The following SLC26A8 variants were observed in gnomAD, a reference collection of about 807,000 sequenced individuals.
The protein encoded by SLC26A8 is solute carrier family 26 member 8.
SLC26A8 carries 70 observed loss-of-function variants against 105.0 expected under a neutral mutation model. The observed-to-expected ratio is 0.67, with a 90% CI of 0.55 to 0.81. The LOEUF (loss-of-function observed/expected upper bound fraction) is 0.81, where lower values mean the gene tolerates loss of function less well. SLC26A8 is among the 40% of genes least tolerant of loss of function. The pLI, the probability that SLC26A8 is intolerant of heterozygous loss-of-function variation, is 0.00. For synonymous variants in SLC26A8, 415 were observed against 438.3 expected, an observed-to-expected ratio of 0.95 and a Z score of 0.66; for missense variants, 998 against 1,181.8, an observed-to-expected ratio of 0.84 and a Z score of 2.28.
At chr6:35,986,281 G>A (rs147356865) in intron 7 of SLC26A8, among the ~76,000 whole-genome samples, 306 of 152,052 alleles carry the variant, frequency 2.0e-3, no homozygotes, top group African/African-American at 7.0e-3. Flanking sequence ...TGATCCACGC[G>A]CCTCGGCCTC....
At chr6:35,993,296 G>A (rs1440522593) in intron 5 of SLC26A8, among the ~76,000 whole-genome samples, 2 of 151,080 alleles carry the variant, frequency 1.3e-5, no homozygotes. Flanking sequence ...TGAACGCACT[G>A]TGCCTGGCCT....
chr6:36,002,709 A>ATC (rs1761558706), intron 3 of SLC26A8, among the ~76,000 whole-genome samples: 1 of 122,568 alleles, frequency 8.2e-6, no homozygotes, highest in Non-Finnish European at 1.7e-5. Flanking sequence ...TTGCTTTTCA[A>ATC]TCTTTTTTTT....
intron 5 of SLC26A8, among the ~76,000 whole-genome samples, chr6:35,994,726 G>T (rs1030997574): frequency 6.6e-6 from 1 of 151,960 alleles, no homozygotes; most frequent in African/African-American, 2.4e-5. Context: ...CAGGTGCCCA[G>T]CACCACGCCT....
At chr6:35,984,812 C>T (rs1452809748) in intron 7 of SLC26A8, among the ~76,000 whole-genome samples, 1 of 152,124 alleles carries the variant, frequency 6.6e-6, no homozygotes, top group Non-Finnish European at 1.5e-5. Flanking sequence ...CATCTCTTGG[C>T]CAAGGGAATT....
chr6:36,005,468 C>A (rs1319173341), intron 3 of SLC26A8, among the ~76,000 whole-genome samples: 2 of 152,230 alleles, frequency 1.3e-5, no homozygotes, highest in East Asian at 3.9e-4. Context: ...ATGACTTTGA[C>A]AAATTAAGAG....
chr6:35,958,944 C>T (rs1302365711), intron 16 of SLC26A8, among the ~76,000 whole-genome samples: 1 of 152,178 alleles, frequency 6.6e-6, no homozygotes, highest in Non-Finnish European at 1.5e-5. Flanking sequence ...AAATTCCCAT[C>T]TGAAATAGCG....
At chr6:36,014,573 T>G (rs1761945250) in intron 2 of SLC26A8, among the ~76,000 whole-genome samples, 1 of 149,474 alleles carries the variant, frequency 6.7e-6, no homozygotes, top group South Asian at 2.1e-4. Context: ...AAAGATTATT[T>G]CATTTACATT....
intron 8 of SLC26A8, among the ~76,000 whole-genome samples, chr6:35,978,698 C>T (rs375655695): frequency 1.3e-5 from 2 of 152,166 alleles, no homozygotes; most frequent in East Asian, 3.9e-4. Context: ...AATACCTTAT[C>T]TAATTAAAAT....
chr6:36,001,003 T>C (rs897039477), intron 3 of SLC26A8, among the ~76,000 whole-genome samples: 5 of 152,264 alleles, frequency 3.3e-5, no homozygotes, highest in African/African-American at 1.2e-4. Flanking sequence ...CTCTAAATGA[T>C]AATACTCTTC....
intron 2 of SLC26A8, among the ~76,000 whole-genome samples, chr6:36,012,732 C>T (rs907867707): frequency 5.9e-5 from 9 of 152,214 alleles, no homozygotes; most frequent in Non-Finnish European, 1.0e-4. Context: ...AAGCCATATA[C>T]GTCCAGCATG....
At position 35,988,841 on chromosome 6, in the gene SLC26A8, G is replaced by GTTT. The variant is rs56822307; in HGVS notation, c.942+2815_942+2817dup. On this transcript the variant is annotated intron_variant, in intron 7 of 19. Coordinates refer to ENST00000490799, the MANE Select transcript of SLC26A8 (RefSeq NM_052961.4). ...GCTTTTAGATATACAGTTCTATACGGTTTTTTTTTTTTTTTTTGAGACGGA... is the reference window on the plus strand; with the variant it reads ...GCTTTTAGATATACAGTTCTATACGGTTTTTTTTTTTTTTTTTTTTGAGACGGA... Among the ~76,000 whole-genome samples the GTTT allele has an allele frequency of 7.9e-3, 1,019 of 128,342 alleles. 23 individuals carry two copies. The highest frequency in any genetic ancestry group is 0.028 in the African/African-American group (965 of 34,704). 84.2% of individuals were successfully genotyped at this position (128,342 alleles called of 152,430 possible).
intron 4 of SLC26A8, 78 bp downstream of exon 4, chr6:35,999,914 G>A (rs2127356870): frequency 2.1e-6 from 2 of 954,392 alleles, no homozygotes; most frequent in South Asian, 2.8e-5. Context: ...AAAGCTTTAT[G>A]TTGGGTACCT....
chr6:36,006,846 A>T (rs920999759), intron 3 of SLC26A8, among the ~76,000 whole-genome samples: 1 of 152,240 alleles, frequency 6.6e-6, no homozygotes, highest in Non-Finnish European at 1.5e-5. Flanking sequence ...CAAAAAAATC[A>T]ATTAATGTAA....
chr6:36,006,215 G>T (rs1271424661), intron 3 of SLC26A8, among the ~76,000 whole-genome samples: 1 of 152,056 alleles, frequency 6.6e-6, no homozygotes, highest in Non-Finnish European at 1.5e-5. Flanking sequence ...TGCCTTCCAG[G>T]TTTAAGCAAT....
At chr6:36,020,944 T>C (rs1043626607) in intron 1 of SLC26A8, among the ~76,000 whole-genome samples, 3 of 152,324 alleles carry the variant, frequency 2.0e-5, no homozygotes, top group South Asian at 2.1e-4. Flanking sequence ...ATCATCATCA[T>C]TGCCAACATT....
chr6:35,970,594 TGATGTTATA>T (rs1772754622), intron 10 of SLC26A8, among the ~76,000 whole-genome samples: 1 of 152,222 alleles, frequency 6.6e-6, no homozygotes, highest in African/African-American at 2.4e-5. Flanking sequence ...TGGCCTTTGC[TGATGTTATA>T]GAAAAAACTA....
At chr6:36,000,164 T>C in intron 3 of SLC26A8, 56 bp from the exon 4 acceptor site, 1 of 1,077,914 alleles carries the variant, frequency 9.3e-7, no homozygotes, top group Non-Finnish European at 1.4e-6. Context: ...TCACCTTAAA[T>C]AAAAACTGTA....
rs753161590 is a variant in SLC26A8, at chr6:35,951,325, C to T, written c.2310G>A (p.Glu770=). The change falls in exon 19 of 20, where the codon GAG becomes GAA. Residue 770 remains glutamate, a synonymous_variant. Coordinates refer to ENST00000490799, the MANE Select transcript of SLC26A8 (RefSeq NM_052961.4). The part of the protein sequence containing the change: ...GCHSSIVRAF[E]RNDFFDAGIT... ...TGCCAGCGTCAAAGAAATCATTCCT[C>T]TCAAATGCCCTGACTATGGAAGCTA... is the stretch of plus-strand genomic sequence containing the variant. The T allele has an allele frequency of 8.1e-6, 13 of 1,614,096 alleles. No individual in the cohort carries two copies. The South Asian group carries it at 1.4e-4, about 18-fold the overall frequency.
Position 35,977,219 on chromosome 6 carries a change from A to G in SLC26A8, c.1158T>C (p.Ser386=), listed in dbSNP as rs770658057. The change falls in exon 9 of 20, where the codon AGT becomes AGC. Residue 386 remains serine (S), a synonymous_variant. Coordinates refer to ENST00000490799, the MANE Select transcript of SLC26A8 (RefSeq NM_052961.4). ...GTCCTCTCACCTGGTTGGAATTGAC[A>G]CTGTAATTGTGAAGACTGGCAATCT... ...GKKIASLHNY[S]VNSNQDLIAI... The G allele has an allele frequency of 6.2e-7, 1 of 1,613,848 alleles. No homozygotes were observed. The highest frequency in any genetic ancestry group is 8.5e-7 in the Non-Finnish European group (1 of 1,179,900).
Sources: gnomAD v4.1 joint callset for allele counts (sites outside exome capture counted in the v4.1 genomes callset) on GRCh38, gnomAD v4.1.1 for gene constraint, MANE v1.5 for transcripts, NCBI Gene and HGNC (gene_info 2026-07-23, HGNC 2026-07-21) for gene names.